Variants in SCFD2 observed in about 807,000 individuals in gnomAD.
The protein encoded by SCFD2 is sec1 family domain containing 2.
A neutral mutation model predicts 58.9 loss-of-function variants in SCFD2; 54 were observed. The observed-to-expected ratio is 0.92, with a 90% CI of 0.74 to 1.15. The LOEUF (loss-of-function observed/expected upper bound fraction) is 1.15, where lower values mean the gene tolerates loss of function less well. SCFD2 is among the 50% of genes most tolerant of loss of function. The pLI, the probability that SCFD2 is intolerant of heterozygous loss-of-function variation, is 0.00. For missense variants in SCFD2, 805 were observed against 836.6 expected (o/e 0.96, Z 0.47); for synonymous variants, 321 against 335.9 (o/e 0.96, Z 0.49).
At chr4:53,296,244 T>C (rs1374182197) in intron 3 of SCFD2, among the ~76,000 whole-genome samples, 1 of 152,184 alleles carries the variant, frequency 6.6e-6, no homozygotes, top group Admixed American at 6.5e-5. Context: ...GTGGTAGAAT[T>C]TGGCTATGAA....
chr4:53,046,550 T>TTG (rs913412930), intron 5 of SCFD2, among the ~76,000 whole-genome samples: 8 of 152,058 alleles, frequency 5.3e-5, no homozygotes, highest in African/African-American at 1.9e-4. Context: ...TTTTTTTTTT[T>TTG]TGTGATATCC....
At chr4:53,309,933 A>G (rs1427741994) in intron 3 of SCFD2, among the ~76,000 whole-genome samples, 2 of 152,130 alleles carry the variant, frequency 1.3e-5, no homozygotes, top group Non-Finnish European at 2.9e-5. Context: ...TATTTCCCCT[A>G]TTTTATGGAC....
At chr4:53,310,055 G>C (rs1732640122) in intron 3 of SCFD2, among the ~76,000 whole-genome samples, 1 of 152,146 alleles carries the variant, frequency 6.6e-6, no homozygotes, top group Admixed American at 6.5e-5. Flanking sequence ...AAAACACAGA[G>C]AGACATATAA....
intron 4 of SCFD2, among the ~76,000 whole-genome samples, chr4:53,213,398 C>A (rs992918890): frequency 6.6e-6 from 1 of 152,050 alleles, no homozygotes; most frequent in Non-Finnish European, 1.5e-5. Flanking sequence ...TGATTCATTT[C>A]TCATCAGGGA....
intron 5 of SCFD2, among the ~76,000 whole-genome samples, chr4:52,933,297 C>A (rs1720045083): frequency 6.6e-6 from 1 of 152,100 alleles, no homozygotes; most frequent in Non-Finnish European, 1.5e-5. Context: ...TCTTACCCGG[C>A]CCGACCCCAG....
intron 5 of SCFD2, among the ~76,000 whole-genome samples, chr4:53,003,143 A>G (rs1721901298): frequency 6.6e-6 from 1 of 152,232 alleles, no homozygotes; most frequent in Non-Finnish European, 1.5e-5. Flanking sequence ...GTGGGGACAC[A>G]GATCCAAACC....
intron 5 of SCFD2, among the ~76,000 whole-genome samples, chr4:52,924,472 T>C (rs144425384): frequency 8.5e-5 from 13 of 152,312 alleles, no homozygotes; most frequent in African/African-American, 3.1e-4. Flanking sequence ...TTCACAAATA[T>C]AGTCAATCTT....
At chr4:52,982,214 A>G (rs558683435) in intron 5 of SCFD2, among the ~76,000 whole-genome samples, 1 of 152,320 alleles carries the variant, frequency 6.6e-6, no homozygotes, top group Admixed American at 6.5e-5. Flanking sequence ...CAGCATAAGC[A>G]TAATGGTGGT....
chr4:52,948,193 C>CTAT lies in SCFD2; in HGVS notation c.1562-27326_1562-27324dup, dbSNP rs1720490941. On this transcript the variant is annotated intron_variant, in intron 5 of 8. Transcript: ENST00000401642. ...ATAGAGGGATTAAACGAGATAAAGG[C>CTAT]TATTACATGCCTGGAACACAGCAAG... 1.3e-5 allele frequency: 3 copies of CTAT among 226,078 alleles called. No homozygotes were observed. The South Asian group carries it at 2.0e-4, about 15-fold the overall frequency. The allele number at this position is 226,078 out of a possible 1,614,324, so 14.0% of individuals were successfully genotyped here.
At chr4:52,953,145 G>A (rs946208513) in intron 5 of SCFD2, among the ~76,000 whole-genome samples, 15 of 152,256 alleles carry the variant, frequency 9.9e-5, no homozygotes, top group African/African-American at 2.9e-4. Flanking sequence ...GGTACTACTC[G>A]GTGCATTACC....
At chr4:53,050,493 A>G (rs1217376372) in intron 5 of SCFD2, among the ~76,000 whole-genome samples, 2 of 152,230 alleles carry the variant, frequency 1.3e-5, no homozygotes, top group African/African-American at 4.8e-5. Context: ...TAACATCTCT[A>G]TGTCTGGAAC....
intron 5 of SCFD2, among the ~76,000 whole-genome samples, chr4:53,058,972 C>T (rs1457476440): frequency 7.9e-5 from 12 of 152,228 alleles, no homozygotes; most frequent in South Asian, 6.2e-4. Flanking sequence ...AAGTAGCATG[C>T]CACTCAGTGC....
chr4:53,351,860 G>C (rs1187867067), intron 2 of SCFD2, among the ~76,000 whole-genome samples: 1 of 152,130 alleles, frequency 6.6e-6, no homozygotes, highest in Non-Finnish European at 1.5e-5. Context: ...AAATGCATCT[G>C]CTACAGTGAA....
At position 53,112,306 on chromosome 4, in the gene SCFD2, TC is replaced by T. The variant is rs1347778179; in HGVS notation, c.1561+33026del. Among the ~76,000 whole-genome samples, 5 of 152,130 alleles carry T rather than the reference TC, an allele frequency of 3.3e-5. 1 individual carries two copies. Among genetic ancestry groups the T allele is most frequent in the Non-Finnish European group, 7.4e-5 (5 of 67,998 alleles). On this transcript the variant is annotated intron_variant, in intron 5 of 8. Coordinates refer to ENST00000401642, the MANE Select transcript of SCFD2 (RefSeq NM_152540.4). ...GAGGCACCTTAACTAAATCTAAACA[TC>T]TTATATTACAAAAGACTCTAGCCTT...
At chr4:53,134,323 G>A (rs1251137587) in intron 5 of SCFD2, among the ~76,000 whole-genome samples, 1 of 151,872 alleles carries the variant, frequency 6.6e-6, no homozygotes, top group Non-Finnish European at 1.5e-5. Flanking sequence ...AAACTTAAGA[G>A]GGTAGATCTC....
At chr4:53,001,533 A>G (rs1299439919) in intron 5 of SCFD2, among the ~76,000 whole-genome samples, 1 of 152,260 alleles carries the variant, frequency 6.6e-6, no homozygotes, top group Non-Finnish European at 1.5e-5. Flanking sequence ...CATGGCGACA[A>G]TGCTTAGCTT....
intron 5 of SCFD2, among the ~76,000 whole-genome samples, chr4:52,990,678 T>A (rs562385609): frequency 6.6e-6 from 1 of 152,188 alleles, no homozygotes; most frequent in Non-Finnish European, 1.5e-5. Flanking sequence ...AGTATAGTAT[T>A]CTCTTACTAA....
chr4:53,289,033 A>G (rs1241994835), intron 3 of SCFD2, among the ~76,000 whole-genome samples: 1 of 152,228 alleles, frequency 6.6e-6, no homozygotes, highest in Non-Finnish European at 1.5e-5. Flanking sequence ...AGTCCAGACT[A>G]CTTTTATGTG....
intron 4 of SCFD2, among the ~76,000 whole-genome samples, chr4:53,244,772 T>G (rs1460773832): frequency 6.6e-6 from 1 of 150,392 alleles, no homozygotes; most frequent in Admixed American, 6.6e-5. Context: ...GACTGAGATG[T>G]GAAAAACCAT....
Sources: gnomAD v4.1 joint callset for allele counts (sites outside exome capture counted in the v4.1 genomes callset) on GRCh38, gnomAD v4.1.1 for gene constraint, MANE v1.5 for transcripts, NCBI Gene and HGNC (gene_info 2026-07-23, HGNC 2026-07-21) for gene names.